The following SOX5 variants were observed in gnomAD, a reference collection of about 807,000 sequenced individuals.
SOX5 encodes the protein transcription factor SOX-5.
SOX5 carries 9 observed loss-of-function variants against 92.0 expected under a neutral mutation model. The observed-to-expected ratio is 0.10, with a 90% CI of 0.06 to 0.17. SOX5 has a LOEUF of 0.17. SOX5 is among the 10% of genes least tolerant of loss of function. The pLI is 1.00. For synonymous variants in SOX5, 344 were observed against 336.3 expected (o/e 1.02, Z -0.25); for missense variants, 642 against 944.5 (o/e 0.68, Z 4.20).
At chr12:24,102,289 G>T (rs1177559048) in intron 4 of SOX5, among the ~76,000 whole-genome samples, 2 of 152,146 alleles carry the variant, frequency 1.3e-5, no homozygotes, top group African/African-American at 2.4e-5. Flanking sequence ...ATGTTCAATG[G>T]TGTCAATACA....
At chr12:24,100,875 C>G (rs1001001169) in intron 4 of SOX5, among the ~76,000 whole-genome samples, 5 of 152,094 alleles carry the variant, frequency 3.3e-5, no homozygotes, top group African/African-American at 1.2e-4. Context: ...CTCTTTCCCT[C>G]TCTTACATCC....
chr12:23,588,811 C>A lies in SOX5; in HGVS notation c.1165-12973G>T, dbSNP rs368793972. Among the ~76,000 whole-genome samples the A allele has an allele frequency of 3.7e-4, 56 of 151,760 alleles. No individual in the cohort carries two copies. The East Asian group carries it at 9.7e-3, about 26-fold the overall frequency. On this transcript the variant is annotated intron_variant, in intron 9 of 14. Transcript: ENST00000451604. ...ATAGGAACACCAACATTTTGGTGAA[C>A]CATGGACTGCCTATATGACAGTGGT... is the stretch of plus-strand genomic sequence containing the variant.
intron 4 of SOX5, among the ~76,000 whole-genome samples, chr12:24,165,372 A>C (rs1433880306): frequency 6.6e-6 from 1 of 152,158 alleles, no homozygotes; most frequent in Non-Finnish European, 1.5e-5. Context: ...TGAATCCCAC[A>C]AATGTTTCAT....
intron 4 of SOX5, among the ~76,000 whole-genome samples, chr12:23,978,290 TA>T (rs1949145491): frequency 1.3e-5 from 2 of 152,178 alleles, no homozygotes; most frequent in Non-Finnish European, 2.9e-5. Context: ...ATCTTAAATT[TA>T]AAAAATGAGT....
intron 1 of SOX5, among the ~76,000 whole-genome samples, chr12:23,912,144 C>T (rs574507351): frequency 6.6e-6 from 1 of 151,972 alleles, no homozygotes; most frequent in East Asian, 1.9e-4. Flanking sequence ...AATTATTGTA[C>T]AACACTTACA....
intron 3 of SOX5, among the ~76,000 whole-genome samples, chr12:23,790,460 T>C (rs1267448480): frequency 2.6e-5 from 4 of 151,950 alleles, no homozygotes; most frequent in Non-Finnish European, 5.9e-5. Flanking sequence ...TTCTGTTATT[T>C]CTTTCACAAC....
chr12:23,681,898 T>C (rs533997048), intron 6 of SOX5, among the ~76,000 whole-genome samples: 1 of 151,884 alleles, frequency 6.6e-6, no homozygotes, highest in East Asian at 1.9e-4. Flanking sequence ...TAATAATTTT[T>C]GTTATATCCA....
At chr12:23,822,438 G>A (rs1238726203) in intron 3 of SOX5, among the ~76,000 whole-genome samples, 2 of 152,204 alleles carry the variant, frequency 1.3e-5, no homozygotes, top group African/African-American at 4.8e-5. Context: ...GTGGTTTTGA[G>A]TGAGTTTCTT....
intron 7 of SOX5, among the ~76,000 whole-genome samples, chr12:23,648,221 C>T (rs189057764): frequency 8.7e-4 from 133 of 152,234 alleles, no homozygotes; most frequent in Non-Finnish European, 1.6e-3. Flanking sequence ...TGAGCACATG[C>T]TGTTGGAAAA....
intron 1 of SOX5, among the ~76,000 whole-genome samples, chr12:24,497,402 G>C (rs1947750400): frequency 6.6e-6 from 1 of 152,276 alleles, no homozygotes. Flanking sequence ...ATGGATTTTA[G>C]AGCCAGACAG....
chr12:23,720,947 G>C (rs1256630432), intron 6 of SOX5, among the ~76,000 whole-genome samples: 2 of 151,932 alleles, frequency 1.3e-5, no homozygotes, highest in African/African-American at 4.8e-5. Context: ...AGAAGAACAG[G>C]GTCTATGCCT....
intron 4 of SOX5, among the ~76,000 whole-genome samples, chr12:24,064,827 T>A (rs1299357676): frequency 6.6e-6 from 1 of 152,216 alleles, no homozygotes; most frequent in Non-Finnish European, 1.5e-5. Context: ...AAAATCTTCC[T>A]GCTAATACAT....
chr12:23,887,307 A>C (rs1417067677), intron 2 of SOX5, among the ~76,000 whole-genome samples: 1 of 152,214 alleles, frequency 6.6e-6, no homozygotes, highest in African/African-American at 2.4e-5. Flanking sequence ...AAGAAGATCC[A>C]TTAAGAATGT....
chr12:23,779,950 C>T (rs1361449092), intron 3 of SOX5, among the ~76,000 whole-genome samples: 1 of 75,250 alleles, frequency 1.3e-5, no homozygotes, highest in Non-Finnish European at 2.8e-5. Flanking sequence ...TGAGACACAG[C>T]GAGACTGTGT....
intron 4 of SOX5, among the ~76,000 whole-genome samples, chr12:24,195,877 T>C (rs1158069302): frequency 6.6e-6 from 1 of 151,924 alleles, no homozygotes; most frequent in Admixed American, 6.6e-5. Flanking sequence ...ACTCTGTGCA[T>C]GTGTGTGTGT....
intron 9 of SOX5, 52 bp from the exon 10 acceptor site, chr12:23,575,890 T>A (rs1461877869): frequency 1.4e-6 from 2 of 1,440,670 alleles, no homozygotes; most frequent in Non-Finnish European, 9.3e-7. Flanking sequence ...TGATAAAAAA[T>A]GCCTAGAAAA....
intron 8 of SOX5, among the ~76,000 whole-genome samples, chr12:23,640,239 A>T (rs184261403): frequency 3.5e-4 from 54 of 152,332 alleles, no homozygotes; most frequent in South Asian, 1.0e-3. Context: ...TATCGTTGAC[A>T]TTCTCGGATT....
At chr12:23,577,938 G>A (rs997740213) in intron 9 of SOX5, among the ~76,000 whole-genome samples, 2 of 151,150 alleles carry the variant, frequency 1.3e-5, no homozygotes, top group Admixed American at 1.3e-4. Context: ...TGGCCAACAC[G>A]GTGAAACTTT....
At chr12:24,121,355 T>A (rs1847882690) in intron 4 of SOX5, among the ~76,000 whole-genome samples, 4 of 152,126 alleles carry the variant, frequency 2.6e-5, no homozygotes. Context: ...TTATCACATG[T>A]CTGAACAGAA....
Sources: allele counts gnomAD v4.1 joint callset (sites outside exome capture counted in the v4.1 genomes callset), GRCh38; gene constraint gnomAD v4.1.1; transcripts MANE v1.5; gene names NCBI Gene and HGNC (gene_info 2026-07-23, HGNC 2026-07-21).